The following PDE8B variants were observed in gnomAD, a reference collection of about 807,000 sequenced individuals.
PDE8B encodes high affinity cAMP-specific and IBMX-insensitive 3',5'-cyclic phosphodiesterase 8B.
A neutral mutation model predicts 101.3 loss-of-function variants in PDE8B; 26 were observed. The observed-to-expected ratio is 0.26, with a 90% CI of 0.19 to 0.36. PDE8B has a LOEUF of 0.36. PDE8B is among the 10% of genes least tolerant of loss of function. The pLI is 1.00. For missense variants in PDE8B, 810 were observed against 1,163.1 expected (o/e 0.70, Z 4.42); for synonymous variants, 424 against 429.3 (o/e 0.99, Z 0.15).
At chr5:77,150,651 A>G in the PDE8B span, among the ~76,000 whole-genome samples, 2 of 152,234 alleles carry the variant, frequency 1.3e-5, no homozygotes, top group Non-Finnish European at 2.9e-5. Context: ...GAGAAAACTT[A>G]CAGGAATAAT....
the PDE8B span, among the ~76,000 whole-genome samples, chr5:77,129,931 G>C: frequency 6.6e-6 from 1 of 152,110 alleles, no homozygotes; most frequent in Non-Finnish European, 1.5e-5. Context: ...TTTAAAGTAT[G>C]TTTTTCTAAT....
intron 1 of PDE8B, among the ~76,000 whole-genome samples, chr5:77,244,710 C>T (rs765106112): frequency 7.9e-5 from 12 of 151,984 alleles, no homozygotes; most frequent in African/African-American, 1.5e-4. Flanking sequence ...ATACTGTTAT[C>T]TCATTTGATT....
At chr5:77,142,782 T>A in the PDE8B span, among the ~76,000 whole-genome samples, 44 of 152,004 alleles carry the variant, frequency 2.9e-4, no homozygotes, top group African/African-American at 8.7e-4. Flanking sequence ...TTTTTTTTTT[T>A]AATTTTGTGG....
At chr5:77,151,696 AG>A in the PDE8B span, among the ~76,000 whole-genome samples, 2 of 152,216 alleles carry the variant, frequency 1.3e-5, no homozygotes, top group African/African-American at 4.8e-5. Context: ...GAAGCAAGCA[AG>A]GGGGAGAAAA....
chr5:77,332,184 A>G (rs1425698466), intron 5 of PDE8B, among the ~76,000 whole-genome samples: 2 of 152,366 alleles, frequency 1.3e-5, no homozygotes, highest in East Asian at 1.9e-4. Flanking sequence ...AATGTTTAAA[A>G]GAACTATATT....
chr5:77,321,083 A>G (rs1401955737), intron 2 of PDE8B, among the ~76,000 whole-genome samples: 1 of 150,988 alleles, frequency 6.6e-6, no homozygotes, highest in Non-Finnish European at 1.5e-5. Flanking sequence ...AAGGGTGTCC[A>G]TGGGCCATCT....
chr5:77,132,635 C>T, the PDE8B span, among the ~76,000 whole-genome samples: 1 of 152,204 alleles, frequency 6.6e-6, no homozygotes, highest in East Asian at 1.9e-4. Flanking sequence ...CCCTCCATCC[C>T]TCTGCTCCAG....
At chr5:77,361,172 C>A (rs1282788309) in intron 10 of PDE8B, among the ~76,000 whole-genome samples, 1 of 152,160 alleles carries the variant, frequency 6.6e-6, no homozygotes, top group Non-Finnish European at 1.5e-5. Flanking sequence ...GTGCCCTGCA[C>A]ACATCTTCCC....
intron 1 of PDE8B, among the ~76,000 whole-genome samples, chr5:77,227,581 A>T (rs1042506853): frequency 6.6e-6 from 1 of 152,176 alleles, no homozygotes; most frequent in African/African-American, 2.4e-5. Flanking sequence ...AAAGATGGAG[A>T]AAATGATATA....
chr5:77,210,496 G>A, upstream of PDE8B: 1 of 365,388 alleles, frequency 2.7e-6, no homozygotes, highest in Non-Finnish European at 3.8e-6. The surrounding 1 kb of genome is among the most constrained non-coding windows in gnomAD (Gnocchi z 4.9). Context: ...GGGAAAGAAG[G>A]TGCAGGCAGG....
chr5:77,097,720 T>TCTATATATATATATCTATATATATATAG, the PDE8B span, among the ~76,000 whole-genome samples: 7 of 41,890 alleles, frequency 1.7e-4, no homozygotes, highest in Admixed American at 4.2e-4. Context: ...TATATATATA[T>TCTATATATATATATCTATATATATATAG]ATATATATAT....
the PDE8B span, among the ~76,000 whole-genome samples, chr5:77,154,437 G>A: frequency 1.3e-5 from 2 of 152,246 alleles, no homozygotes; most frequent in Non-Finnish European, 1.5e-5. Context: ...ATGAATGAAT[G>A]GCAGGGCAGA....
chr5:77,345,729 AC>A (rs1434543467), intron 7 of PDE8B, among the ~76,000 whole-genome samples: 1 of 152,212 alleles, frequency 6.6e-6, no homozygotes, highest in Non-Finnish European at 1.5e-5. Context: ...TTTGTAAAAT[AC>A]CCTGAAATAT....
chr5:77,249,557 G>A (rs759899623), intron 1 of PDE8B, among the ~76,000 whole-genome samples: 35 of 152,326 alleles, frequency 2.3e-4, no homozygotes, highest in Middle Eastern at 6.8e-3. Flanking sequence ...GAGAAATCAG[G>A]AAAATTTAGA....
chr5:77,198,452 T>G, the PDE8B span, among the ~76,000 whole-genome samples: 2 of 152,326 alleles, frequency 1.3e-5, no homozygotes, highest in Non-Finnish European at 2.9e-5. Context: ...TCTGAAATAC[T>G]GCCCCATAAA....
the PDE8B span, among the ~76,000 whole-genome samples, chr5:77,127,132 AGG>A: frequency 1.3e-5 from 2 of 152,152 alleles, no homozygotes; most frequent in Non-Finnish European, 2.9e-5. Context: ...AAGCTTATCC[AGG>A]TTCCTGCCTG....
the PDE8B span, among the ~76,000 whole-genome samples, chr5:77,176,040 C>T: frequency 5.3e-5 from 8 of 152,170 alleles, no homozygotes; most frequent in African/African-American, 1.9e-4. Flanking sequence ...TCTTCCAGCC[C>T]TGAGTGGTCG....
At chr5:77,340,956 C>T (rs1349154772) in intron 6 of PDE8B, among the ~76,000 whole-genome samples, 1 of 152,030 alleles carries the variant, frequency 6.6e-6, no homozygotes, top group Non-Finnish European at 1.5e-5. Context: ...TCATGGGTTC[C>T]CACAACTAGG....
chr5:77,152,726 C>G, the PDE8B span, among the ~76,000 whole-genome samples: 1 of 152,306 alleles, frequency 6.6e-6, no homozygotes, highest in East Asian at 1.9e-4. Flanking sequence ...CTCACTGATC[C>G]CCTTCACAGA....
Sources: gnomAD v4.1 joint callset for allele counts (sites outside exome capture counted in the v4.1 genomes callset) on GRCh38, gnomAD v4.1.1 for gene constraint, Gnocchi (gnomAD v3.1) non-coding constraint, MANE v1.5 for transcripts, NCBI Gene and HGNC (gene_info 2026-07-23, HGNC 2026-07-21) for gene names.